Variants in CORO2A observed in about 807,000 individuals in gnomAD.
CORO2A encodes the protein coronin-2A.
CORO2A carries 47 observed loss-of-function variants against 62.4 expected under a neutral mutation model. The ratio of observed to expected loss-of-function variants is 0.75; its 90% CI spans 0.60 to 0.96. CORO2A has a LOEUF of 0.96. CORO2A is among the 40% of genes least tolerant of loss of function. CORO2A has a pLI of 0.00. For missense variants in CORO2A, 610 were observed against 684.1 expected, an observed-to-expected ratio of 0.89 and a Z score of 1.21; for synonymous variants, 273 against 268.9, an observed-to-expected ratio of 1.02 and a Z score of -0.15.
At chr9:98,178,741 C>T (rs1430888426) in intron 1 of CORO2A, among the ~76,000 whole-genome samples, 1 of 152,170 alleles carries the variant, frequency 6.6e-6, no homozygotes, top group Admixed American at 6.5e-5. Context: ...ATTCTTTGTT[C>T]TATTTGTTTA....
intron 1 of CORO2A, among the ~76,000 whole-genome samples, chr9:98,190,789 G>C (rs138588775): frequency 6.6e-6 from 1 of 152,340 alleles, no homozygotes; most frequent in African/African-American, 2.4e-5. Flanking sequence ...GATGACAGGA[G>C]ACCCAGGTAG....
At chr9:98,178,983 C>A (rs1253454808) in intron 1 of CORO2A, among the ~76,000 whole-genome samples, 1 of 152,176 alleles carries the variant, frequency 6.6e-6, no homozygotes, top group Admixed American at 6.5e-5. Flanking sequence ...AATCTCTAGG[C>A]CTTGATGCTA....
intron 1 of CORO2A, among the ~76,000 whole-genome samples, chr9:98,157,931 T>C (rs1827829817): frequency 6.6e-6 from 1 of 152,164 alleles, no homozygotes; most frequent in Non-Finnish European, 1.5e-5. Flanking sequence ...AGTGTGAATA[T>C]AACAAGGCAG....
intron 9 of CORO2A, 43 bp from the exon 10 acceptor site, chr9:98,128,303 C>A: frequency 6.6e-7 from 1 of 1,521,106 alleles, no homozygotes; most frequent in South Asian, 1.1e-5. Flanking sequence ...GTAGGGTAGG[C>A]TGCTCAGATG....
chr9:98,169,195 G>A (rs924144237), intron 1 of CORO2A, among the ~76,000 whole-genome samples: 6 of 152,116 alleles, frequency 3.9e-5, no homozygotes, highest in African/African-American at 1.4e-4. Flanking sequence ...TCAGGTTTCC[G>A]CCTTCCCCGC....
At position 98,148,790 on chromosome 9, in the gene CORO2A, AACAC is replaced by A. The variant is rs1043918959; in HGVS notation, c.201+8666_201+8669del. On this transcript the variant is annotated intron_variant, in intron 2 of 11. Coordinates refer to ENST00000375077, the MANE Select transcript of CORO2A (RefSeq NM_052820.4). ...CAAAACAAACAAACAAAAAAAACAA[AACAC>A]ACACACACAAAACACAAAAAAAAAT... 5.6e-5 allele frequency among the ~76,000 whole-genome samples: 8 copies of A among 143,478 alleles called. No homozygotes were observed. In the East Asian group the frequency reaches 7.9e-4, roughly 14 times the overall value. The allele number at this position is 143,478 out of a possible 152,430, so 94.1% of individuals were successfully genotyped here.
intron 2 of CORO2A, among the ~76,000 whole-genome samples, chr9:98,152,848 T>A (rs900078098): frequency 2.6e-5 from 4 of 152,152 alleles, no homozygotes; most frequent in African/African-American, 9.7e-5. Flanking sequence ...GTTAATATCA[T>A]GAAGTGATGA....
At chr9:98,130,874 T>C (rs1391677296) in intron 7 of CORO2A, 81 bp downstream of exon 7, 1 of 1,184,824 alleles carries the variant, frequency 8.4e-7, no homozygotes, top group Non-Finnish European at 1.2e-6. Flanking sequence ...ATCCCTGCCC[T>C]GTGTTCCCAA....
intron 1 of CORO2A, among the ~76,000 whole-genome samples, chr9:98,182,343 G>C (rs193157708): frequency 6.6e-6 from 1 of 152,290 alleles, no homozygotes; most frequent in African/African-American, 2.4e-5. Context: ...TCTTTCTCCA[G>C]GGCAGGCCAC....
chr9:98,134,745 T>C, intron 4 of CORO2A, 61 bp downstream of exon 4: 3 of 1,486,986 alleles, frequency 2.0e-6, no homozygotes, highest in Non-Finnish European at 9.1e-7. Context: ...TACATTTCCA[T>C]TGTATTCCAG....
intron 2 of CORO2A, among the ~76,000 whole-genome samples, chr9:98,149,647 T>C (rs1038904778): frequency 1.3e-5 from 2 of 152,080 alleles, no homozygotes; most frequent in South Asian, 2.1e-4. Flanking sequence ...GTGAACTCAT[T>C]ATCACAGGGA....
At chr9:98,180,288 C>G (rs1828161346) in intron 1 of CORO2A, among the ~76,000 whole-genome samples, 1 of 152,084 alleles carries the variant, frequency 6.6e-6, no homozygotes, top group Non-Finnish European at 1.5e-5. Flanking sequence ...ATTTCCTTTG[C>G]CAGTAATGCC....
At chr9:98,165,004 T>G (rs1334143860) in intron 1 of CORO2A, among the ~76,000 whole-genome samples, 1 of 152,162 alleles carries the variant, frequency 6.6e-6, no homozygotes, top group Non-Finnish European at 1.5e-5. Flanking sequence ...GGCCTCACTT[T>G]GCTACCCAGG....
chr9:98,187,341 C>T (rs1828252604), intron 1 of CORO2A, among the ~76,000 whole-genome samples: 1 of 149,974 alleles, frequency 6.7e-6, no homozygotes, highest in Non-Finnish European at 1.5e-5. Context: ...TACCTATAAT[C>T]CCAGCTACTC....
intron 1 of CORO2A, among the ~76,000 whole-genome samples, chr9:98,170,692 C>T (rs898087711): frequency 6.6e-6 from 1 of 152,200 alleles, no homozygotes; most frequent in African/African-American, 2.4e-5. Flanking sequence ...ATCTGCCCAC[C>T]TTGGCCTCCC....
intron 2 of CORO2A, among the ~76,000 whole-genome samples, chr9:98,142,846 CCTGCCCTGCG>C (rs200366408): frequency 0.13 from 19,031 of 142,082 alleles, 1,423 homozygotes; most frequent in Middle Eastern, 0.18. Context: ...CCTGCCCTGC[CCTGCCCTGCG>C]CTGCCCTGCG....
At chr9:98,157,813 A>C (rs1386221867) in intron 1 of CORO2A, among the ~76,000 whole-genome samples, 153 bp from the exon 2 acceptor site, 1 of 152,224 alleles carries the variant, frequency 6.6e-6, no homozygotes, top group East Asian at 1.9e-4. Flanking sequence ...CAAACAAGTG[A>C]AAAGACTCTA....
chr9:98,133,686 A>G (rs912022879), intron 4 of CORO2A, among the ~76,000 whole-genome samples: 1 of 152,196 alleles, frequency 6.6e-6, no homozygotes, highest in Admixed American at 6.5e-5. Flanking sequence ...CTCTGCAGAC[A>G]CCCCATACAA....
At chr9:98,146,981 T>C (rs1254096569) in intron 2 of CORO2A, among the ~76,000 whole-genome samples, 1 of 152,094 alleles carries the variant, frequency 6.6e-6, no homozygotes, top group Non-Finnish European at 1.5e-5. Flanking sequence ...ATAAGAAACA[T>C]ATTGGCCAGG....
Sources: allele counts gnomAD v4.1 joint callset (sites outside exome capture counted in the v4.1 genomes callset), GRCh38; gene constraint gnomAD v4.1.1; transcripts MANE v1.5; gene names NCBI Gene and HGNC (gene_info 2026-07-23, HGNC 2026-07-21).